CACNA2D3: variants seen among roughly 807,000 people sequenced by gnomAD.
CACNA2D3 encodes the protein voltage-dependent calcium channel subunit alpha-2/delta-3.
CACNA2D3 carries 60 observed loss-of-function variants against 160.6 expected under a neutral mutation model. That is an observed-to-expected ratio of 0.37 (90% CI 0.30 to 0.46). The LOEUF (loss-of-function observed/expected upper bound fraction) is 0.46. Ranked by LOEUF, CACNA2D3 falls within the 20% of genes least tolerant of loss-of-function variation. CACNA2D3 has a pLI of 1.00. For missense variants in CACNA2D3, 1,205 were observed against 1,365.0 expected (o/e 0.88, Z 1.85); for synonymous variants, 558 against 492.9 (o/e 1.13, Z -1.75).
At chr3:54,592,900 A>G (rs1433470044) in intron 9 of CACNA2D3, among the ~76,000 whole-genome samples, 3 of 152,166 alleles carry the variant, frequency 2.0e-5, no homozygotes, top group Admixed American at 6.5e-5. Context: ...AGATTTGTCA[A>G]TGGAGGCACT....
chr3:54,950,486 T>C (rs754716313), intron 27 of CACNA2D3, among the ~76,000 whole-genome samples: 2 of 152,212 alleles, frequency 1.3e-5, no homozygotes, highest in Non-Finnish European at 2.9e-5. Flanking sequence ...GATATAATGC[T>C]GACAATAATT....
chr3:54,821,278 G>T (rs1030935915), intron 14 of CACNA2D3, among the ~76,000 whole-genome samples: 1 of 152,192 alleles, frequency 6.6e-6, no homozygotes, highest in Admixed American at 6.5e-5. Flanking sequence ...AGCAATTGAT[G>T]CATTCAGGGC....
At chr3:54,131,288 C>T (rs767308994) in intron 2 of CACNA2D3, among the ~76,000 whole-genome samples, 2 of 152,196 alleles carry the variant, frequency 1.3e-5, no homozygotes, top group Admixed American at 6.5e-5. Context: ...GCAGTGGCGG[C>T]GGCCTCTGTC....
intron 13 of CACNA2D3, among the ~76,000 whole-genome samples, chr3:54,798,830 G>C (rs961143238): frequency 1.3e-5 from 2 of 152,194 alleles, no homozygotes; most frequent in Admixed American, 1.3e-4. Context: ...CTGGGCTCCA[G>C]CTGGTCACAT....
At chr3:54,825,892 G>A (rs1253618159) in intron 14 of CACNA2D3, among the ~76,000 whole-genome samples, 1 of 151,986 alleles carries the variant, frequency 6.6e-6, no homozygotes, top group East Asian at 1.9e-4. Context: ...CATAGGAAGG[G>A]ATTTCCTGTG....
chr3:54,303,460 T>A (rs1033980937), intron 2 of CACNA2D3, among the ~76,000 whole-genome samples: 12 of 152,218 alleles, frequency 7.9e-5, no homozygotes, highest in Non-Finnish European at 1.8e-4. Flanking sequence ...GACGAGTGCA[T>A]ATATCAAGTC....
chr3:54,346,331 G>A (rs570107935), intron 3 of CACNA2D3, among the ~76,000 whole-genome samples: 3 of 152,270 alleles, frequency 2.0e-5, no homozygotes, highest in South Asian at 4.2e-4. Flanking sequence ...ATCATTTTGG[G>A]CTGTTGGAGT....
intron 34 of CACNA2D3, among the ~76,000 whole-genome samples, chr3:55,017,118 GA>G (rs1703341949): frequency 6.6e-6 from 1 of 152,110 alleles, no homozygotes; most frequent in Non-Finnish European, 1.5e-5. Flanking sequence ...ATGTAAATAA[GA>G]TTTTTTTTTC....
At chr3:54,887,159 C>T (rs1575531828) in intron 23 of CACNA2D3, among the ~76,000 whole-genome samples, 1 of 152,148 alleles carries the variant, frequency 6.6e-6, no homozygotes, top group East Asian at 1.9e-4. Context: ...AGCGTGGTGG[C>T]TCATGCCTGT....
At chr3:54,883,521 C>T (rs908766393) in intron 21 of CACNA2D3, among the ~76,000 whole-genome samples, 39 of 152,172 alleles carry the variant, frequency 2.6e-4, no homozygotes, top group African/African-American at 7.2e-4. Context: ...AAGATCTTCC[C>T]GATAGATCTC....
chr3:54,355,550 G>C (rs1452611327), intron 3 of CACNA2D3, among the ~76,000 whole-genome samples: 2 of 152,028 alleles, frequency 1.3e-5, no homozygotes, highest in African/African-American at 2.4e-5. Context: ...TTGGCCATGG[G>C]GGAGCATGTG....
intron 2 of CACNA2D3, among the ~76,000 whole-genome samples, chr3:54,283,663 T>G (rs1702935689): frequency 6.6e-6 from 1 of 152,224 alleles, no homozygotes; most frequent in Non-Finnish European, 1.5e-5. Flanking sequence ...ATTGCACAAG[T>G]TGGGATACAT....
At chr3:54,288,464 T>C (rs1212360545) in intron 2 of CACNA2D3, among the ~76,000 whole-genome samples, 3 of 152,204 alleles carry the variant, frequency 2.0e-5, no homozygotes, top group African/African-American at 7.2e-5. Context: ...CAGGACCAGA[T>C]GGATTCACAG....
chr3:54,212,002 C>T (rs1475882201), intron 2 of CACNA2D3, among the ~76,000 whole-genome samples: 3 of 151,962 alleles, frequency 2.0e-5, no homozygotes, highest in African/African-American at 7.3e-5. Context: ...TCAACTTCAC[C>T]CACCTCTCTC....
chr3:55,056,382 T>C (rs189971577), intron 35 of CACNA2D3, among the ~76,000 whole-genome samples: 1 of 152,356 alleles, frequency 6.6e-6, no homozygotes, highest in East Asian at 1.9e-4. Context: ...ACAGCCATTA[T>C]AGAAAACTGT....
intron 4 of CACNA2D3, among the ~76,000 whole-genome samples, chr3:54,439,310 T>G (rs773531531): frequency 5.6e-4 from 48 of 86,044 alleles, no homozygotes; most frequent in African/African-American, 2.8e-3. Context: ...TAAAGGAGGG[T>G]GTGTGTGTGT....
chr3:54,448,641 A>C (rs967056014), intron 4 of CACNA2D3, among the ~76,000 whole-genome samples: 3 of 152,182 alleles, frequency 2.0e-5, no homozygotes, highest in African/African-American at 7.2e-5. Flanking sequence ...AGCAGCCTTC[A>C]TGTTCTCATT....
At chr3:54,830,016 TTCAAGCAATTCTCTGCCTCC>T (rs1332981252) in intron 14 of CACNA2D3, among the ~76,000 whole-genome samples, 35 of 145,154 alleles carry the variant, frequency 2.4e-4, no homozygotes, top group Admixed American at 1.7e-3. Context: ...GCCTCCCGGG[TTCAAGCAATTCTCTGCCTCC>T]TGGGTTCAAG....
At chr3:54,974,970 A>T (rs1363112079) in intron 29 of CACNA2D3, among the ~76,000 whole-genome samples, 1 of 152,180 alleles carries the variant, frequency 6.6e-6, no homozygotes, top group African/African-American at 2.4e-5. Context: ...GGAGAAGGGA[A>T]TTGAATATTA....
Sources: gnomAD v4.1 joint callset for allele counts (sites outside exome capture counted in the v4.1 genomes callset) on GRCh38, gnomAD v4.1.1 for gene constraint, MANE v1.5 for transcripts, NCBI Gene and HGNC (gene_info 2026-07-23, HGNC 2026-07-21) for gene names.